Variants in UNC80 observed in about 807,000 individuals in gnomAD.
UNC80 encodes unc-80 subunit of NALCN channel complex.
Under a neutral mutation model 384.6 loss-of-function variants are expected in UNC80, and 164 were observed. That is an observed-to-expected ratio of 0.43 (90% CI 0.38 to 0.49). The LOEUF is 0.49. Ranked by LOEUF, UNC80 falls within the 20% of genes least tolerant of loss-of-function variation. UNC80 has a pLI of 0.00. For missense variants in UNC80, 3,330 were observed against 4,143.0 expected (o/e 0.80, Z 5.39); for synonymous variants, 1,486 against 1,527.8 (o/e 0.97, Z 0.64).
At chr2:209,938,894 G>A (rs2091438962) in intron 42 of UNC80, among the ~76,000 whole-genome samples, 1 of 152,108 alleles carries the variant, frequency 6.6e-6, no homozygotes, top group East Asian at 1.9e-4. Context: ...TTCCTCAGTA[G>A]CTACTCACTG....
chr2:209,774,002 A>G (rs988211224), intron 2 of UNC80, among the ~76,000 whole-genome samples: 3 of 152,250 alleles, frequency 2.0e-5, no homozygotes, highest in African/African-American at 7.2e-5. Flanking sequence ...CACAGCCTTC[A>G]TTAATATTTG....
At position 209,976,897 on chromosome 2, in the gene UNC80, T is replaced by G; in HGVS notation, c.8773-16T>G. On this transcript the variant is annotated splice_polypyrimidine_tract_variant and intron_variant, in intron 57 of 64. Coordinates refer to ENST00000673920, the MANE Select transcript of UNC80 (RefSeq NM_001371986.1). This position sits in a 1 kb window ranked among gnomAD's most constrained non-coding sequence, Gnocchi z 4.3. The stretch of plus-strand genomic sequence containing the variant: ...TGGAAAATTGAGGCCCTGAGAATGT[T>G]ATGCCTTCCTTTCAGCTGCTGGCCC... 3.3e-6 allele frequency: 5 copies of G among 1,505,652 alleles called. No homozygotes were observed. Among genetic ancestry groups the G allele is most frequent in the Non-Finnish European group, 4.5e-6 (5 of 1,111,138 alleles). The allele number at this position is 1,505,652 out of a possible 1,614,324, so 93.3% of individuals were successfully genotyped here.
chr2:209,955,738 T>TATATATATACAC (rs1437539911), intron 48 of UNC80, among the ~76,000 whole-genome samples: 13 of 53,542 alleles, frequency 2.4e-4, no homozygotes, highest in South Asian at 6.6e-4. Flanking sequence ...TATATATATA[T>TATATATATACAC]ACACACACAC....
At chr2:209,952,377 A>G (rs893990929) in intron 47 of UNC80, among the ~76,000 whole-genome samples, 6 of 152,140 alleles carry the variant, frequency 3.9e-5, no homozygotes, top group Non-Finnish European at 7.3e-5. Flanking sequence ...GATTGATTTG[A>G]TTTAAAGTTG....
At chr2:209,946,637 G>A (rs2091928769) in intron 47 of UNC80, among the ~76,000 whole-genome samples, 1 of 152,076 alleles carries the variant, frequency 6.6e-6, no homozygotes, top group African/African-American at 2.4e-5. Context: ...GTAACACAAA[G>A]GGCAAGAATA....
chr2:209,800,975 A>G (rs1312154508), intron 7 of UNC80, among the ~76,000 whole-genome samples: 1 of 152,178 alleles, frequency 6.6e-6, no homozygotes, highest in African/African-American at 2.4e-5. Context: ...ACTTCCAATT[A>G]TGTAGTCGAT....
At position 209,957,682 on chromosome 2, in the gene UNC80, G is replaced by T. The variant is rs2092462460; in HGVS notation, c.7496G>T (p.Gly2499Val). 1.9e-6 allele frequency: 3 copies of T among 1,551,382 alleles called. No individual in the cohort carries two copies. Among genetic ancestry groups the T allele is most frequent in the Non-Finnish European group, 2.6e-6 (3 of 1,146,898 alleles). ...TAPQMSRCDQ[G>V]HKGTTTANHT... ...CCACAGATGAGCAGGTGTGACCAAG[G>T]TCATAAGGGAACCACCACAGCCAAT... Residue 2499 changes from glycine (G) to valine (V), a missense_variant, in exon 49 of 65, where the codon GGT (glycine) becomes GTT (valine). Gly to Val is a moderately radical substitution (Grantham distance 109). This residue lies in a region of UNC80 where 1,049 missense variants were observed against 1,488.6 expected (regional missense o/e 0.70). Transcript: ENST00000673920.
At chr2:209,965,831 T>C (rs2092726875) in intron 51 of UNC80, among the ~76,000 whole-genome samples, 1 of 151,846 alleles carries the variant, frequency 6.6e-6, no homozygotes, top group Non-Finnish European at 1.5e-5. Context: ...AGTGTGAACC[T>C]GACTGCCTAC....
rs1321456012 is a variant in UNC80, at chr2:209,918,619, C to T, written c.5299C>T (p.Gln1767Ter). ...VPMFDPPWVP[Q>*]CSGSVQDPIN... ...AATGTTTGACCCACCGTGGGTTCCT[C>T]AGTGCAGCGGGAGTGTCCAGGACCC... The change falls in exon 33 of 65, where the codon CAG becomes TAG. Residue 1767 changes from glutamine to a stop codon, truncating the protein, a stop_gained. Transcript: ENST00000673920. LOFTEE classifies it high-confidence loss of function. 1.3e-6 allele frequency: 2 copies of T among 1,551,928 alleles called. No homozygotes were observed. Among genetic ancestry groups the T allele is most frequent in the African/African-American group, 2.7e-5 (2 of 73,172 alleles).
Position 209,938,484 on chromosome 2 carries a change from C to G in UNC80, c.6465+854C>G, listed in dbSNP as rs10084360. Among the ~76,000 whole-genome samples the G allele has an allele frequency of 3.2e-3, 487 of 152,210 alleles. 2 individuals are homozygous for G. The highest frequency in any genetic ancestry group is 0.011 in the African/African-American group (470 of 41,526). On this transcript the variant is annotated intron_variant, in intron 42 of 64. Transcript: ENST00000673920. ...ACTTAAGTAATTAAAAATATAGCTA[C>G]AATTAACTACCGACATTCTATTTAA...
At chr2:209,798,665 A>G (rs2078326314) in intron 7 of UNC80, among the ~76,000 whole-genome samples, 1 of 149,954 alleles carries the variant, frequency 6.7e-6, no homozygotes, top group Non-Finnish European at 1.5e-5. Flanking sequence ...TTTTATTTTT[A>G]TTTTTTTATT....
intron 39 of UNC80, among the ~76,000 whole-genome samples, chr2:209,935,440 G>A (rs1575071330): frequency 1.3e-5 from 2 of 152,108 alleles, no homozygotes; most frequent in South Asian, 4.2e-4. Flanking sequence ...TGGACAACAT[G>A]GCGAAACCTC....
Position 209,913,711 on chromosome 2 carries a change from A to G in UNC80, c.4891-91A>G, listed in dbSNP as rs964893387. On this transcript the variant is annotated intron_variant, in intron 30 of 64. Coordinates refer to ENST00000673920, the MANE Select transcript of UNC80 (RefSeq NM_001371986.1). ...CATTTTAAGGTCACTTAAGGCAAGC[A>G]GAGAGAGGGGACGTGGCTTTTAAGT... is the stretch of plus-strand genomic sequence containing the variant. The G allele has an allele frequency of 5.2e-6, 7 of 1,338,338 alleles. No homozygotes were observed. The South Asian group carries it at 8.5e-5, about 16-fold the overall frequency. 82.9% of individuals were successfully genotyped at this position (1,338,338 alleles called of 1,614,324 possible).
chr2:209,786,840 G>A (rs1261003614), intron 5 of UNC80, among the ~76,000 whole-genome samples: 1 of 151,818 alleles, frequency 6.6e-6, no homozygotes, highest in East Asian at 1.9e-4. Flanking sequence ...GGGCTTTTTA[G>A]TAAGAAGTAA....
At chr2:209,941,598 C>A (rs951619732) in intron 44 of UNC80, 109 bp downstream of exon 44, 23 of 1,233,132 alleles carry the variant, frequency 1.9e-5, no homozygotes, top group Non-Finnish European at 2.2e-5. Context: ...TTATCATCTT[C>A]TTTTGTGACA....
At chr2:209,965,648 C>G (rs2092721652) in intron 51 of UNC80, among the ~76,000 whole-genome samples, 3 of 151,948 alleles carry the variant, frequency 2.0e-5, no homozygotes, top group Admixed American at 6.6e-5. Context: ...GTCTTGAACT[C>G]CTGACCTCGT....
At chr2:209,834,293 A>G in intron 17 of UNC80, 125 bp downstream of exon 17, 2 of 1,084,052 alleles carry the variant, frequency 1.8e-6, no homozygotes, top group Non-Finnish European at 2.6e-6. Context: ...TATCTTGCGT[A>G]AGTGGTTTCA....
Position 209,815,402 on chromosome 2 carries a change from A to G in UNC80, c.1335+11A>G, listed in dbSNP as rs1559136054. The G allele has an allele frequency of 4.5e-6, 7 of 1,548,076 alleles. No individual in the cohort carries two copies. Among genetic ancestry groups the G allele is most frequent in the South Asian group, 1.2e-5 (1 of 83,640 alleles). On this transcript the variant is annotated intron_variant, in intron 9 of 64. Coordinates refer to ENST00000673920, the MANE Select transcript of UNC80 (RefSeq NM_001371986.1). The stretch of plus-strand genomic sequence containing the variant: ...AATATTTTTAAAAAGGTGAGTAGAA[A>G]TGCTTATGCTCTTTGATATTTTGGT...
At chr2:209,903,514 A>AAT (rs59038622) in intron 28 of UNC80, among the ~76,000 whole-genome samples, 1 of 71,088 alleles carries the variant, frequency 1.4e-5, no homozygotes, top group African/African-American at 6.5e-5. Context: ...GTATATATGT[A>AAT]ATATATATAC....
Sources: gnomAD v4.1 joint callset for allele counts (sites outside exome capture counted in the v4.1 genomes callset) on GRCh38, gnomAD v4.1.1 for gene constraint, gnomAD v4.1.1 regional missense constraint, Gnocchi (gnomAD v3.1) non-coding constraint, MANE v1.5 for transcripts, NCBI Gene and HGNC (gene_info 2026-07-23, HGNC 2026-07-21) for gene names.